Variants in RUNX1T1 observed in about 807,000 individuals in gnomAD.
RUNX1T1 encodes RUNX1 partner transcriptional co-repressor 1.
Under a neutral mutation model 62.8 loss-of-function variants are expected in RUNX1T1, and 4 were observed. The ratio of observed to expected loss-of-function variants is 0.06; its 90% CI spans 0.03 to 0.15. The LOEUF is 0.15. RUNX1T1 is among the 10% of genes least tolerant of loss of function. RUNX1T1 has a pLI of 1.00. For missense variants in RUNX1T1, 508 were observed against 754.3 expected, an observed-to-expected ratio of 0.67 and a Z score of 3.82; for synonymous variants, 291 against 286.0, an observed-to-expected ratio of 1.02 and a Z score of -0.18.
chr8:91,965,614 T>C (rs550221064), intron 10 of RUNX1T1, among the ~76,000 whole-genome samples: 1 of 152,238 alleles, frequency 6.6e-6, no homozygotes, highest in African/African-American at 2.4e-5. Context: ...ACCAGGATGC[T>C]CCTCTAAGTC....
At chr8:92,005,069 G>T (rs746862955) in intron 5 of RUNX1T1, 47 bp downstream of exon 6, 2 of 1,490,924 alleles carry the variant, frequency 1.3e-6, no homozygotes, top group Non-Finnish European at 1.8e-6. Context: ...CATGCCACAG[G>T]TATGGGAAAA....
chr8:92,069,947 A>G (rs974278594), intron 2 of RUNX1T1, among the ~76,000 whole-genome samples: 1 of 152,220 alleles, frequency 6.6e-6, no homozygotes, highest in Non-Finnish European at 1.5e-5. Context: ...ATAAATTGAC[A>G]CAAGTCCACA....
At chr8:92,071,481 G>C (rs916063519) in intron 2 of RUNX1T1, 4 of 150,572 alleles carry the variant, frequency 2.7e-5, no homozygotes, top group African/African-American at 9.9e-5. Context: ...GTGTAAAATA[G>C]AGCCAAATTC....
intron 4 of RUNX1T1, among the ~76,000 whole-genome samples, chr8:92,008,384 T>A (rs1211094479): frequency 8.2e-5 from 6 of 72,984 alleles, no homozygotes; most frequent in African/African-American, 1.9e-4. Flanking sequence ...TCTCTCTCTC[T>A]CTCTCACACA....
chr8:91,991,894 AGG>A lies in RUNX1T1; in HGVS notation c.660-7_660-6del. ...TCAAAGCCATTTTCTTTGGTTCTAA[AGG>A]GGGAAAAAACAAGAGTTTGTTTCAT... is the stretch of plus-strand genomic sequence containing the variant. On this transcript the variant is annotated splice_region_variant and splice_polypyrimidine_tract_variant and intron_variant, in intron 5 of 10. Transcript: ENST00000396218. 1 of 1,613,832 alleles carries A rather than the reference AGG, an allele frequency of 6.2e-7. No individual in the cohort carries two copies. Among genetic ancestry groups the A allele is most frequent in the Non-Finnish European group, 8.5e-7 (1 of 1,179,784 alleles).
At chr8:92,031,280 A>G (rs1484187640) in intron 1 of RUNX1T1, among the ~76,000 whole-genome samples, 2 of 152,202 alleles carry the variant, frequency 1.3e-5, no homozygotes, top group African/African-American at 4.8e-5. Context: ...AAAAAAGTTA[A>G]CATAGTCGGG....
exon 11 of RUNX1T1, chr8:91,959,744 T>C (rs1810043829): frequency 4.3e-6 from 1 of 230,362 alleles, no homozygotes; most frequent in Admixed American, 5.5e-5. Flanking sequence ...CATCTTCTTG[T>C]TAAAATGTCT....
chr8:91,983,980 T>C (rs1484204053), intron 8 of RUNX1T1, among the ~76,000 whole-genome samples: 1 of 152,204 alleles, frequency 6.6e-6, no homozygotes, highest in Non-Finnish European at 1.5e-5. Context: ...TGATAGTGTC[T>C]TAATGGCAAC....
intron 1 of RUNX1T1, chr8:92,017,655 A>C: frequency 7.9e-7 from 1 of 1,272,322 alleles, no homozygotes; most frequent in Non-Finnish European, 1.0e-6. Context: ...GCACAACTGC[A>C]CTGGAAGCTG....
intron 1 of RUNX1T1, among the ~76,000 whole-genome samples, chr8:92,060,224 G>T (rs995898616): frequency 1.3e-5 from 2 of 151,850 alleles, no homozygotes; most frequent in African/African-American, 4.8e-5. Flanking sequence ...AAACAATTTT[G>T]AAATAATCTA....
chr8:92,102,938 C>CG, upstream of RUNX1T1: 3 of 1,499,548 alleles, frequency 2.0e-6, no homozygotes, highest in Non-Finnish European at 2.7e-6. The surrounding 1 kb of genome is among the most constrained non-coding windows in gnomAD (Gnocchi z 4.5). Context: ...GGCCGGCCCG[C>CG]GGGGCGACGG....
chr8:91,988,911 TAAA>T (rs1164325952), intron 6 of RUNX1T1, among the ~76,000 whole-genome samples: 6 of 152,140 alleles, frequency 3.9e-5, no homozygotes, highest in Non-Finnish European at 4.4e-5. Context: ...TCTTTAAAAA[TAAA>T]AAATAAATCA....
chr8:91,988,831 C>T (rs975248458), intron 6 of RUNX1T1, among the ~76,000 whole-genome samples: 6 of 151,990 alleles, frequency 3.9e-5, no homozygotes, highest in African/African-American at 1.4e-4. Flanking sequence ...AGCTCAAGTA[C>T]TTGGTGAAAA....
At chr8:92,023,731 A>G (rs575730385) in intron 1 of RUNX1T1, among the ~76,000 whole-genome samples, 129 of 152,298 alleles carry the variant, frequency 8.5e-4, no homozygotes, top group Non-Finnish European at 1.6e-3. Context: ...GCAGAAACCT[A>G]TAAGACTGTC....
rs141364044 is a variant in RUNX1T1, at chr8:92,021,917, G to A, written c.8-4554C>T. On this transcript the variant is annotated intron_variant, in intron 1 of 10. Coordinates refer to ENST00000396218, the Ensembl canonical transcript of RUNX1T1. ...CTGTTTCCCTCATCTAGAATGACCC[G>A]TCCCACTTGCACATTCTTCACTGCT... 4.0e-5 allele frequency among the ~76,000 whole-genome samples: 6 copies of A among 149,366 alleles called. No homozygotes were observed. In the East Asian group the frequency reaches 6.0e-4, roughly 15 times the overall value.
At chr8:92,015,145 C>G (rs139744642) in intron 2 of RUNX1T1, among the ~76,000 whole-genome samples, 1 of 152,168 alleles carries the variant, frequency 6.6e-6, no homozygotes, top group African/African-American at 2.4e-5. Context: ...CAGACAGCTT[C>G]GGATGTCAGC....
intron 1 of RUNX1T1, among the ~76,000 whole-genome samples, chr8:92,049,210 G>A (rs2130339387): frequency 6.6e-6 from 1 of 152,282 alleles, no homozygotes; most frequent in African/African-American, 2.4e-5. Flanking sequence ...CACAAAGGCT[G>A]TTTCTCAGCA....
chr8:92,029,651 T>A (rs982248985), intron 1 of RUNX1T1, among the ~76,000 whole-genome samples: 1 of 152,164 alleles, frequency 6.6e-6, no homozygotes, highest in African/African-American at 2.4e-5. Flanking sequence ...ATCAAATTAT[T>A]CTGCCTCCTC....
At chr8:91,957,985 T>C (rs534864160), downstream of RUNX1T1, 5 of 218,448 alleles carry the variant, frequency 2.3e-5, no homozygotes, top group Non-Finnish European at 4.6e-5. Flanking sequence ...AGGGAAGAAA[T>C]GCTTTTAAAA....
Sources: gnomAD v4.1 joint callset for allele counts (sites outside exome capture counted in the v4.1 genomes callset) on GRCh38, gnomAD v4.1.1 for gene constraint, Gnocchi (gnomAD v3.1) non-coding constraint, MANE v1.5 for transcripts, NCBI Gene and HGNC (gene_info 2026-07-23, HGNC 2026-07-21) for gene names.